MYO18A: variants seen among roughly 807,000 people sequenced by gnomAD.
MYO18A encodes the protein unconventional myosin-XVIIIa.
MYO18A carries 78 observed loss-of-function variants against 235.8 expected under a neutral mutation model. The observed-to-expected ratio is 0.33, with a 90% confidence interval of 0.28 to 0.40. The LOEUF (loss-of-function observed/expected upper bound fraction) is 0.40. Ranked by LOEUF, MYO18A falls within the 10% of genes least tolerant of loss-of-function variation. The pLI, the probability that MYO18A is intolerant of heterozygous loss-of-function variation, is 1.00. For missense variants in MYO18A, 2,215 were observed against 2,699.3 expected, an observed-to-expected ratio of 0.82 and a Z score of 3.98; for synonymous variants, 977 against 1,077.8, an observed-to-expected ratio of 0.91 and a Z score of 1.83.
At chr17:29,123,356 C>T (rs1440867613) in intron 2 of MYO18A, among the ~76,000 whole-genome samples, 1 of 152,232 alleles carries the variant, frequency 6.6e-6, no homozygotes, top group African/African-American at 2.4e-5. Flanking sequence ...AGCCCCTACA[C>T]TCTCGGAGGG....
At chr17:29,133,111 TCAAGTTTGGGAC>T (rs2067512410) in intron 2 of MYO18A, among the ~76,000 whole-genome samples, 1 of 152,198 alleles carries the variant, frequency 6.6e-6, no homozygotes, top group Non-Finnish European at 1.5e-5. Flanking sequence ...CTCCAGTGGC[TCAAGTTTGGGAC>T]CCCAAATGTC....
At chr17:29,137,505 G>C (rs1163524605) in intron 2 of MYO18A, among the ~76,000 whole-genome samples, 1 of 152,130 alleles carries the variant, frequency 6.6e-6, no homozygotes, top group African/African-American at 2.4e-5. Flanking sequence ...GTAGCTCTTC[G>C]TGAACAATAG....
At chr17:29,096,160 GC>G (rs1257057076) in intron 28 of MYO18A, among the ~76,000 whole-genome samples, 1 of 152,192 alleles carries the variant, frequency 6.6e-6, no homozygotes, top group African/African-American at 2.4e-5. Context: ...CTGCTGAGAA[GC>G]CCTTCCCCTG....
Position 29,074,925 on chromosome 17 carries a change from C to T in MYO18A, c.6021-11G>A, listed in dbSNP as rs778368860. The T allele has an allele frequency of 8.7e-6, 14 of 1,613,614 alleles. No homozygotes were observed. Among genetic ancestry groups the T allele is most frequent in the Non-Finnish European group, 1.1e-5 (13 of 1,179,750 alleles). ...CAGTAGCTGGTGGGGCTGCAGGGAC[C>T]GAGGAATAAGGTTAGGGACAAATGA... On this transcript the variant is annotated splice_polypyrimidine_tract_variant and intron_variant, in intron 41 of 41. Coordinates refer to ENST00000527372, the MANE Select transcript of MYO18A (RefSeq NM_078471.4). This position sits in a 1 kb window ranked among gnomAD's most constrained non-coding sequence, Gnocchi z 4.4.
At chr17:29,086,732 G>C in intron 38 of MYO18A, 155 bp from the exon 39 acceptor site, 1 of 1,206,042 alleles carries the variant, frequency 8.3e-7, no homozygotes, top group Non-Finnish European at 1.1e-6. Context: ...CTGCTGGGCT[G>C]TGGGGTCCAA....
chr17:29,167,530 A>T (rs936518340), intron 1 of MYO18A, among the ~76,000 whole-genome samples: 5 of 152,030 alleles, frequency 3.3e-5, no homozygotes, highest in African/African-American at 4.8e-5. Context: ...TGGACAACAC[A>T]GTGAGACCCT....
Position 29,126,750 on chromosome 17 carries a change from G to A in MYO18A, c.1000-4497C>T, listed in dbSNP as rs2067331452. 6.6e-6 allele frequency among the ~76,000 whole-genome samples: 1 copy of A among 152,170 alleles called. No individual in the cohort carries two copies. ...GAGGCCTCAGCAGGGTCCAAAAAAG[G>A]GAAGCTTGAAGAGAACTGTCCCCAA... On this transcript the variant is annotated intron_variant, in intron 2 of 41. Transcript: ENST00000527372. This position sits in a 1 kb window ranked among gnomAD's most constrained non-coding sequence, Gnocchi z 4.1.
intron 41 of MYO18A, chr17:29,080,180 T>G: frequency 1.0e-6 from 1 of 986,040 alleles, no homozygotes; most frequent in South Asian, 4.7e-5. Flanking sequence ...GCACTTTGGA[T>G]GCTCTTCCTG....
intron 34 of MYO18A, chr17:29,091,617 T>C (rs146588757): frequency 1.1e-4 from 52 of 455,066 alleles, no homozygotes; most frequent in African/African-American, 8.6e-4. Context: ...ATTAAGGAAT[T>C]TGAATTACTC....
intron 1 of MYO18A, among the ~76,000 whole-genome samples, chr17:29,167,798 C>T (rs575870727): frequency 2.0e-4 from 31 of 152,242 alleles, no homozygotes; most frequent in Admixed American, 1.2e-3. Flanking sequence ...ACAGACATCC[C>T]ATTCTTTGGA....
chr17:29,105,437 G>C (rs532261015), intron 20 of MYO18A, among the ~76,000 whole-genome samples: 1 of 152,264 alleles, frequency 6.6e-6, no homozygotes, highest in South Asian at 2.1e-4. Flanking sequence ...GAGAAAAAGA[G>C]ATGCCAGAGG....
rs2067331053 is a variant in MYO18A, at chr17:29,126,738, G to T, written c.1000-4485C>A. Among the ~76,000 whole-genome samples, 1 of 152,054 alleles carries T rather than the reference G, an allele frequency of 6.6e-6. No homozygotes were observed. The highest frequency in any genetic ancestry group is 1.5e-5 in the Non-Finnish European group (1 of 67,982). ...CCCACACCCTGGGAGGCCTCAGCAG[G>T]GTCCAAAAAAGGGAAGCTTGAAGAG... On this transcript the variant is annotated intron_variant, in intron 2 of 41. Transcript: ENST00000527372. The surrounding 1 kb of genome is among the most constrained non-coding windows in gnomAD (Gnocchi z 4.1).
intron 2 of MYO18A, among the ~76,000 whole-genome samples, chr17:29,155,941 G>C (rs2152957335): frequency 6.6e-6 from 1 of 152,320 alleles, no homozygotes; most frequent in South Asian, 2.1e-4. Flanking sequence ...CTACAGACAA[G>C]TCACCTAGGC....
rs769268002 is a variant in MYO18A, at chr17:29,093,394, A to G, written c.4855T>C (p.Tyr1619His). 1.9e-6 allele frequency: 3 copies of G among 1,609,052 alleles called. No individual in the cohort carries two copies. In the Admixed American group the frequency reaches 5.0e-5, roughly 27 times the overall value. Residue 1619 changes from tyrosine to histidine, a missense_variant, in exon 32 of 42, where the codon TAT becomes CAT. Transcript: ENST00000527372. The stretch of plus-strand genomic sequence containing the variant: ...CGCAGAACCTTCTGCTTGTCCTCAT[A>G]CTCTTCCTCTAGCTGCACCTCCATC... Reference protein sequence around the residue: ...KQMEVQLEEEYEDKQKVLREK... With the variant: ...KQMEVQLEEEHEDKQKVLREK...
chr17:29,108,252 C>T (rs1298907055), intron 19 of MYO18A, among the ~76,000 whole-genome samples: 1 of 152,080 alleles, frequency 6.6e-6, no homozygotes, highest in Non-Finnish European at 1.5e-5. Flanking sequence ...GGCCAGGTGA[C>T]CAAAAAGACT....
intron 26 of MYO18A, 47 bp downstream of exon 26, chr17:29,097,741 G>A (rs762453128): frequency 1.3e-6 from 2 of 1,531,622 alleles, no homozygotes; most frequent in Non-Finnish European, 1.8e-6. Flanking sequence ...TGGGCATCAG[G>A]GCTCGCATTG....
intron 40 of MYO18A, among the ~76,000 whole-genome samples, chr17:29,084,869 G>C (rs1241054871): frequency 6.6e-6 from 1 of 152,124 alleles, no homozygotes; most frequent in East Asian, 1.9e-4. Flanking sequence ...CTGCCTGAAG[G>C]CCTGCGCATC....
At position 29,160,714 on chromosome 17, in the gene MYO18A, G is replaced by A. The variant is rs550413713; in HGVS notation, c.999+5228C>T. On this transcript the variant is annotated intron_variant, in intron 2 of 41. Transcript: ENST00000527372. The stretch of plus-strand genomic sequence containing the variant: ...CCTCTCCCAAACCCACCTGAGCGTG[G>A]AGGTGGTTTATGTGAACATGGCAAC... 3.9e-5 allele frequency among the ~76,000 whole-genome samples: 6 copies of A among 152,304 alleles called. No individual in the cohort carries two copies. The East Asian group carries it at 1.2e-3, about 29-fold the overall frequency.
rs1598359356 is a variant in MYO18A at position 29,134,420 on chromosome 17, T to G, written c.1000-12167A>C. ...CTTTGAATAAGCCACTTCGCCTCTTTGGGCCTCTCTGTAGAATTAGGGGCT... is the reference window on the plus strand; with the variant it reads ...CTTTGAATAAGCCACTTCGCCTCTTGGGGCCTCTCTGTAGAATTAGGGGCT... On this transcript the variant is annotated intron_variant, in intron 2 of 41. Transcript: ENST00000527372. Among the ~76,000 whole-genome samples the G allele has an allele frequency of 2.6e-5, 4 of 152,150 alleles. No individual in the cohort carries two copies. In the South Asian group the frequency reaches 8.3e-4, roughly 32 times the overall value.
Sources: allele counts gnomAD v4.1 joint callset (sites outside exome capture counted in the v4.1 genomes callset), GRCh38; gene constraint gnomAD v4.1.1; non-coding constraint Gnocchi (gnomAD v3.1); transcripts MANE v1.5; gene names NCBI Gene and HGNC (gene_info 2026-07-23, HGNC 2026-07-21).